Variants in SLC14A2 observed in about 807,000 individuals in gnomAD.
The protein encoded by SLC14A2 is solute carrier family 14 member 2.
SLC14A2 carries 91 observed loss-of-function variants against 104.6 expected under a neutral mutation model. The observed-to-expected ratio is 0.87, with a 90% CI of 0.73 to 1.04. The LOEUF (loss-of-function observed/expected upper bound fraction) is 1.04, where lower values mean the gene tolerates loss of function less well. SLC14A2 is among the 50% of genes least tolerant of loss of function. The probability of loss-of-function intolerance (pLI) is 0.00; values close to 1 mark genes in which losing one functional copy is unlikely to be tolerated. For synonymous variants in SLC14A2, 476 were observed against 466.4 expected (o/e 1.02, Z -0.27); for missense variants, 1,189 against 1,156.0 (o/e 1.03, Z -0.41).
At chr18:45,599,417 C>T (rs1294844818) in intron 2 of SLC14A2, among the ~76,000 whole-genome samples, 6 of 152,232 alleles carry the variant, frequency 3.9e-5, no homozygotes, top group Non-Finnish European at 8.8e-5. Flanking sequence ...CCTGACAGTC[C>T]TGGCCGCGAC....
chr18:45,199,878 C>G, the SLC14A2 span, among the ~76,000 whole-genome samples: 1 of 152,122 alleles, frequency 6.6e-6, no homozygotes, highest in Non-Finnish European at 1.5e-5. Flanking sequence ...TTTGGAAAAA[C>G]CATGTTCCTA....
At chr18:45,484,630 A>T (rs1299945956) in intron 2 of SLC14A2, among the ~76,000 whole-genome samples, 1 of 152,202 alleles carries the variant, frequency 6.6e-6, no homozygotes, top group Non-Finnish European at 1.5e-5. Context: ...CTAGGTTTCA[A>T]GGTTGTTCTC....
chr18:45,374,790 C>T (rs1267901126), intron 1 of SLC14A2, among the ~76,000 whole-genome samples: 1 of 152,184 alleles, frequency 6.6e-6, no homozygotes, highest in Non-Finnish European at 1.5e-5. Flanking sequence ...CTCATCTGGA[C>T]TTCTAACCTA....
intron 1 of SLC14A2, among the ~76,000 whole-genome samples, chr18:45,219,090 T>C (rs567895741): frequency 6.6e-6 from 1 of 152,326 alleles, no homozygotes; most frequent in Middle Eastern, 3.4e-3. Context: ...CTCAAAGCGC[T>C]GACCTCAGTG....
chr18:45,645,624 C>CATATATATATATATATATAT (rs2045610233), intron 10 of SLC14A2, among the ~76,000 whole-genome samples: 3 of 9,048 alleles, frequency 3.3e-4, no homozygotes, highest in East Asian at 1.8e-3. Flanking sequence ...TATATATATA[C>CATATATATATATATATATAT]ATATACAAAG....
chr18:45,620,495 CT>C (rs1324928710), intron 1 of SLC14A2, among the ~76,000 whole-genome samples: 1 of 152,096 alleles, frequency 6.6e-6, no homozygotes, highest in Non-Finnish European at 1.5e-5. Context: ...GGTGGAGTAC[CT>C]TTTTGGAGAG....
intron 1 of SLC14A2, among the ~76,000 whole-genome samples, chr18:45,313,889 T>C (rs1488138952): frequency 1.3e-5 from 2 of 152,214 alleles, no homozygotes; most frequent in African/African-American, 4.8e-5. Flanking sequence ...CACTATGCCA[T>C]CCCTCCTGTT....
intron 1 of SLC14A2, among the ~76,000 whole-genome samples, chr18:45,290,442 T>C (rs1391689168): frequency 3.9e-5 from 6 of 152,220 alleles, no homozygotes; most frequent in African/African-American, 1.2e-4. Context: ...GTTGGGCTTA[T>C]GGCTGAGGTT....
chr18:45,591,758 C>G (rs775415613), intron 2 of SLC14A2, among the ~76,000 whole-genome samples: 7 of 152,220 alleles, frequency 4.6e-5, no homozygotes, highest in Non-Finnish European at 1.0e-4. Flanking sequence ...CCCCACTATA[C>G]ACTAAGAGTT....
the SLC14A2 span, among the ~76,000 whole-genome samples, chr18:45,172,535 A>C: frequency 6.6e-6 from 1 of 152,070 alleles, no homozygotes; most frequent in African/African-American, 2.4e-5. Flanking sequence ...CAATTCACTC[A>C]TTTATTTATC....
rs1051756891 is a variant in SLC14A2 at position 45,287,881 on chromosome 18, C to T, written c.-125+74690C>T. On this transcript the variant is annotated intron_variant, in intron 1 of 20. Transcript: ENST00000586448. ...CAGCCCCGCAGGACCTACACTAGCA[C>T]AGCCAGCCATGGCCATCCTTGACCC... 3.3e-5 allele frequency among the ~76,000 whole-genome samples: 5 copies of T among 152,288 alleles called. No individual in the cohort carries two copies. The East Asian group carries it at 9.7e-4, about 29-fold the overall frequency.
At chr18:45,514,068 A>G (rs941040249) in intron 2 of SLC14A2, among the ~76,000 whole-genome samples, 1 of 152,210 alleles carries the variant, frequency 6.6e-6, no homozygotes, top group Non-Finnish European at 1.5e-5. Flanking sequence ...CAGCCAGCAG[A>G]TGGAAAAAAA....
chr18:45,635,086 G>C, intron 5 of SLC14A2: 1 of 335,500 alleles, frequency 3.0e-6, no homozygotes, highest in South Asian at 2.4e-5. Flanking sequence ...TAAGTACCTA[G>C]GTTGATACAA....
intron 2 of SLC14A2, among the ~76,000 whole-genome samples, chr18:45,562,243 T>C (rs899102785): frequency 5.9e-5 from 9 of 152,216 alleles, no homozygotes; most frequent in African/African-American, 2.2e-4. Context: ...ATGTTGTGAA[T>C]CTACAAGTTA....
intron 2 of SLC14A2, among the ~76,000 whole-genome samples, chr18:45,495,662 G>A (rs62093094): frequency 0.15 from 22,725 of 152,036 alleles, 1,798 homozygotes; most frequent in Middle Eastern, 0.24. Flanking sequence ...CTTCTTCCCT[G>A]GACCTCTCTA....
intron 1 of SLC14A2, among the ~76,000 whole-genome samples, chr18:45,237,471 C>T (rs1317114763): frequency 2.0e-5 from 3 of 152,136 alleles, no homozygotes; most frequent in Non-Finnish European, 4.4e-5. Context: ...GTTCTCTAGT[C>T]GGCACAGCAT....
rs530450441 is a variant in SLC14A2, at chr18:45,226,100, C to CA, written c.-125+12911dup. 7.1e-3 allele frequency among the ~76,000 whole-genome samples: 1,074 copies of CA among 152,168 alleles called. 15 individuals are homozygous for CA. The highest frequency in any genetic ancestry group is 0.024 in the African/African-American group (989 of 41,480). On this transcript the variant is annotated intron_variant, in intron 1 of 20. Transcript: ENST00000586448. ...ATCATCACTGGCCATCAGAGAAATGCAATCAAAACCACAATGAGATACCAT... is the reference window on the plus strand; with the variant it reads ...ATCATCACTGGCCATCAGAGAAATGCAAATCAAAACCACAATGAGATACCAT...
chr18:45,556,850 T>C (rs1401071114), intron 2 of SLC14A2, among the ~76,000 whole-genome samples: 1 of 152,208 alleles, frequency 6.6e-6, no homozygotes, highest in Non-Finnish European at 1.5e-5. Flanking sequence ...GGTTTTGACT[T>C]TCCCACTCCT....
At chr18:45,564,183 A>G (rs1205885911) in intron 2 of SLC14A2, among the ~76,000 whole-genome samples, 1 of 152,266 alleles carries the variant, frequency 6.6e-6, no homozygotes, top group Non-Finnish European at 1.5e-5. Context: ...ATTACTTTGC[A>G]TGATCGAGTG....
Sources: allele counts gnomAD v4.1 joint callset (sites outside exome capture counted in the v4.1 genomes callset), GRCh38; gene constraint gnomAD v4.1.1; transcripts MANE v1.5; gene names NCBI Gene and HGNC (gene_info 2026-07-23, HGNC 2026-07-21).